The following GRIP1 variants were observed in gnomAD, a reference collection of about 807,000 sequenced individuals.
GRIP1 encodes glutamate receptor-interacting protein 1.
Under a neutral mutation model 129.9 loss-of-function variants are expected in GRIP1, and 45 were observed. The observed-to-expected ratio is 0.35, with a 90% CI of 0.27 to 0.44. GRIP1 has a LOEUF of 0.44. Among genes scored for constraint, GRIP1 ranks in the 20% least tolerant of loss-of-function variants. The probability of loss-of-function intolerance (pLI) is 1.00; values close to 1 mark genes in which losing one functional copy is unlikely to be tolerated. For missense variants in GRIP1, 1,196 were observed against 1,396.8 expected (o/e 0.86, Z 2.29); for synonymous variants, 530 against 520.8 (o/e 1.02, Z -0.24).
intron 13 of GRIP1, among the ~76,000 whole-genome samples, chr12:66,438,540 G>A (rs923837115): frequency 6.7e-6 from 1 of 149,248 alleles, no homozygotes; most frequent in African/African-American, 2.5e-5. Context: ...CTGTTGCCCA[G>A]GCCAGAGTGC....
At position 66,353,417 on chromosome 12, in the gene GRIP1, C is replaced by CTG. The variant is rs1263157588; in HGVS notation, c.3157_3158dup (p.Gln1053HisfsTer3). ...ATTAAAATTCCACCTGAGGTCTTAC[C>CTG]TGTAAGAGCCTGTCATAGGGCTTTA... is the stretch of plus-strand genomic sequence containing the variant. On this transcript the variant is annotated frameshift_variant and splice_region_variant, in exon 24 of 25. Coordinates refer to ENST00000359742, the MANE Select transcript of GRIP1 (RefSeq NM_001366722.1). LOFTEE classifies it high-confidence loss of function. 2 of 1,608,236 alleles carry CTG rather than the reference C, an allele frequency of 1.2e-6. No individual in the cohort carries two copies. The highest frequency in any genetic ancestry group is 1.7e-6 in the Non-Finnish European group (2 of 1,174,722).
intron 1 of GRIP1, among the ~76,000 whole-genome samples, chr12:66,754,400 G>C (rs2037220767): frequency 6.6e-6 from 1 of 152,152 alleles, no homozygotes; most frequent in Non-Finnish European, 1.5e-5. Context: ...ACACACCGCA[G>C]CGTTTCTTGG....
intron 1 of GRIP1, among the ~76,000 whole-genome samples, chr12:66,839,516 T>C (rs765992269): frequency 1.3e-5 from 2 of 152,210 alleles, no homozygotes; most frequent in Non-Finnish European, 2.9e-5. Context: ...TGCTAATATA[T>C]ATGATATGAA....
chr12:66,775,972 T>A (rs1001151907), intron 1 of GRIP1, among the ~76,000 whole-genome samples: 52 of 152,206 alleles, frequency 3.4e-4, no homozygotes, highest in Non-Finnish European at 1.0e-4. Context: ...GAACATTTGT[T>A]ACTATCTCCA....
At chr12:66,353,808 T>C (rs1382953020) in intron 23 of GRIP1, among the ~76,000 whole-genome samples, 2 of 152,176 alleles carry the variant, frequency 1.3e-5, no homozygotes, top group Admixed American at 6.5e-5. Flanking sequence ...CCTCCCTCCC[T>C]CCTTTTCAGT....
At chr12:66,366,042 G>A (rs553249472) in intron 23 of GRIP1, among the ~76,000 whole-genome samples, 1 of 152,308 alleles carries the variant, frequency 6.6e-6, no homozygotes, top group South Asian at 2.1e-4. Flanking sequence ...CTCCTTGCCT[G>A]AAGAAAGAGA....
chr12:66,620,852 C>T (rs1427494571), intron 1 of GRIP1, among the ~76,000 whole-genome samples: 1 of 151,818 alleles, frequency 6.6e-6, no homozygotes, highest in East Asian at 1.9e-4. Flanking sequence ...TCTTCCTCAT[C>T]ATAAATTAAG....
Position 66,349,219 on chromosome 12 carries a change from CAA to C in GRIP1, c.3185_3186del (p.Phe1062Ter). 6.2e-7 allele frequency: 1 copy of C among 1,614,108 alleles called. No individual in the cohort carries two copies. Among genetic ancestry groups the C allele is most frequent in the Non-Finnish European group, 8.5e-7 (1 of 1,179,962 alleles). ...LQVNHVRTRD[F>X]DCCLVVPLIA... ...ATGAGGGGCACAACAAGGCAGCAGTCAAAGTCTCTGGTTCGGACATGATTCAC... is the reference window on the plus strand; with the variant it reads ...ATGAGGGGCACAACAAGGCAGCAGTCAGTCTCTGGTTCGGACATGATTCAC... On this transcript the variant is annotated frameshift_variant, in exon 25 of 25. Coordinates refer to ENST00000359742, the MANE Select transcript of GRIP1 (RefSeq NM_001366722.1). LOFTEE classifies it high-confidence loss of function.
At chr12:66,805,294 A>C (rs1254870558), upstream of GRIP1, among the ~76,000 whole-genome samples, 2 of 152,358 alleles carry the variant, frequency 1.3e-5, no homozygotes, top group East Asian at 3.9e-4. Context: ...GCTTTAAAAA[A>C]TTATTTTTAA....
In GRIP1 at chr12:66,989,500, A is replaced by G. The variant is rs117923639; in HGVS notation, c.58+79550T>C. ...CTGTGCCTTCAGGGTTTGGAGTAAG[A>G]CCCATCTGTTTGTGCCCATATACAA... On this transcript the variant is annotated intron_variant, in intron 1 of 1. Transcript: ENST00000643019. Among the ~76,000 whole-genome samples the G allele has an allele frequency of 5.9e-3, 899 of 152,222 alleles. 3 individuals are homozygous for G. Among genetic ancestry groups the G allele is most frequent in the Middle Eastern group, 0.02 (6 of 294 alleles).
At chr12:66,968,905 G>T (rs972808854) in intron 1 of GRIP1, among the ~76,000 whole-genome samples, 6 of 152,076 alleles carry the variant, frequency 3.9e-5, no homozygotes, top group Non-Finnish European at 8.8e-5. Context: ...GAATAGGTAT[G>T]CTGTGCTAAT....
chr12:66,419,337 T>C (rs2057721626), intron 15 of GRIP1, among the ~76,000 whole-genome samples: 1 of 152,052 alleles, frequency 6.6e-6, no homozygotes, highest in South Asian at 2.1e-4. Context: ...AAAGTAGGGA[T>C]GGTTAATGGG....
intron 1 of GRIP1, among the ~76,000 whole-genome samples, chr12:67,053,359 C>T (rs951803004): frequency 2.6e-5 from 4 of 152,170 alleles, no homozygotes; most frequent in Admixed American, 1.3e-4. Context: ...CTCATTTTAT[C>T]CCATTTACTC....
At chr12:67,003,042 C>T (rs536062264) in intron 1 of GRIP1, among the ~76,000 whole-genome samples, 34 of 152,180 alleles carry the variant, frequency 2.2e-4, no homozygotes, top group African/African-American at 6.7e-4. Context: ...GAAATGGCAG[C>T]GATGGTCTGG....
intron 1 of GRIP1, among the ~76,000 whole-genome samples, chr12:66,620,604 T>C (rs1426497839): frequency 1.3e-5 from 2 of 152,200 alleles, no homozygotes; most frequent in African/African-American, 4.8e-5. Context: ...ACACTCCAGG[T>C]AATAGCTCTC....
intron 15 of GRIP1, among the ~76,000 whole-genome samples, chr12:66,419,189 G>T (rs760775088): frequency 6.6e-6 from 1 of 152,088 alleles, no homozygotes; most frequent in Non-Finnish European, 1.5e-5. Flanking sequence ...AAATAAACCA[G>T]GCACAGAAAT....
At chr12:66,874,913 C>T (rs1361459970) in intron 1 of GRIP1, among the ~76,000 whole-genome samples, 1 of 150,902 alleles carries the variant, frequency 6.6e-6, no homozygotes, top group Non-Finnish European at 1.5e-5. Context: ...ATTATCTCAG[C>T]TTACACATTA....
chr12:66,463,018 T>C lies in GRIP1; in HGVS notation c.948A>G (p.Glu316=). 1 of 1,613,956 alleles carries C rather than the reference T, an allele frequency of 6.2e-7. No homozygotes were observed. The highest frequency in any genetic ancestry group is 8.5e-7 in the Non-Finnish European group (1 of 1,179,918). The change falls in exon 9 of 25, where the codon GAA becomes GAG. Residue 316 remains glutamate (E), a synonymous_variant. Coordinates refer to ENST00000359742, the MANE Select transcript of GRIP1 (RefSeq NM_001366722.1). ...TGGTGTTGGCCAGGAACTGGGTTGCTTCTGCAAGTGTACAGTACTCCATGC... is the reference window on the plus strand; with the variant it reads ...TGGTGTTGGCCAGGAACTGGGTTGCCTCTGCAAGTGTACAGTACTCCATGC... ...GTSMEYCTLA[E]ATQFLANTTD...
chr12:66,573,239 G>C (rs143860801), intron 2 of GRIP1, among the ~76,000 whole-genome samples: 1 of 151,846 alleles, frequency 6.6e-6, no homozygotes, highest in Non-Finnish European at 1.5e-5. Context: ...AACTGAATTC[G>C]GCCAACAACC....
Sources: allele counts gnomAD v4.1 joint callset (sites outside exome capture counted in the v4.1 genomes callset), GRCh38; gene constraint gnomAD v4.1.1; transcripts MANE v1.5; gene names NCBI Gene and HGNC (gene_info 2026-07-23, HGNC 2026-07-21).